COMMD10: variants seen among roughly 807,000 people sequenced by gnomAD.
The protein encoded by COMMD10 is COMM domain containing 10.
COMMD10 carries 33 observed loss-of-function variants against 28.9 expected under a neutral mutation model. The observed-to-expected ratio is 1.14, with a 90% CI of 0.87 to 1.53. COMMD10 has a LOEUF of 1.53. COMMD10 is among the 40% of genes most tolerant of loss of function. The pLI, the probability that COMMD10 is intolerant of heterozygous loss-of-function variation, is 0.00. For synonymous variants in COMMD10, 110 were observed against 81.7 expected (o/e 1.35, Z -1.87); for missense variants, 310 against 233.4 (o/e 1.33, Z -2.14).
At chr5:116,262,759 A>C (rs960272327) in intron 5 of COMMD10, among the ~76,000 whole-genome samples, 1 of 151,816 alleles carries the variant, frequency 6.6e-6, no homozygotes, top group Admixed American at 6.6e-5. Flanking sequence ...CTCATTACTC[A>C]TTCCCAAAAT....
rs1347495677 is a variant in COMMD10, at chr5:116,099,866, AC to A, written c.399+7167del. ...TATGTTAACCTCTTATACATGGTTT[AC>A]AAATACAGGTTGGGTATCACGTATC... On this transcript the variant is annotated intron_variant, in intron 4 of 6. Coordinates refer to ENST00000274458, the MANE Select transcript of COMMD10 (RefSeq NM_016144.4). Among the ~76,000 whole-genome samples the A allele has an allele frequency of 2.0e-5, 3 of 152,222 alleles. No individual in the cohort carries two copies. The South Asian group carries it at 6.2e-4, about 32-fold the overall frequency.
At chr5:116,280,803 A>G (rs1751048216) in intron 5 of COMMD10, among the ~76,000 whole-genome samples, 1 of 151,876 alleles carries the variant, frequency 6.6e-6, no homozygotes, top group African/African-American at 2.4e-5. Context: ...ACAATCATCT[A>G]TAATTATATT....
chr5:116,085,254 G>T (rs534242863), intron 1 of COMMD10, 161 bp downstream of exon 1: 10 of 676,856 alleles, frequency 1.5e-5, no homozygotes, highest in Non-Finnish European at 2.5e-5. Context: ...TGCGTCTGCG[G>T]AGTGCGTGGG....
At chr5:116,234,978 C>A (rs1309804467) in intron 5 of COMMD10, among the ~76,000 whole-genome samples, 1 of 152,160 alleles carries the variant, frequency 6.6e-6, no homozygotes, top group Non-Finnish European at 1.5e-5. Context: ...TACGGAAAAC[C>A]TTCACCTAGT....
intron 5 of COMMD10, among the ~76,000 whole-genome samples, chr5:116,229,185 G>A (rs941068545): frequency 6.6e-6 from 1 of 151,894 alleles, no homozygotes; most frequent in African/African-American, 2.4e-5. Flanking sequence ...TAGAATGAAA[G>A]ATGAGGCATT....
chr5:116,255,955 C>T (rs1052420516), intron 5 of COMMD10: 1 of 151,412 alleles, frequency 6.6e-6, no homozygotes, highest in South Asian at 2.1e-4. Flanking sequence ...GCAGTTAGAT[C>T]CACTCTTAAT....
At chr5:116,238,513 A>G (rs1390580998) in intron 5 of COMMD10, among the ~76,000 whole-genome samples, 16 of 152,220 alleles carry the variant, frequency 1.1e-4, no homozygotes, top group Admixed American at 9.8e-4. Flanking sequence ...GTTTTATTCA[A>G]CAAACCTAAA....
intron 5 of COMMD10, among the ~76,000 whole-genome samples, chr5:116,208,534 T>A (rs1046358830): frequency 6.6e-6 from 1 of 152,206 alleles, no homozygotes; most frequent in Non-Finnish European, 1.5e-5. Flanking sequence ...CCTTTGTTTA[T>A]AATTTTAAGT....
At chr5:116,216,454 T>G (rs1184103618) in intron 5 of COMMD10, among the ~76,000 whole-genome samples, 1 of 152,226 alleles carries the variant, frequency 6.6e-6, no homozygotes, top group Non-Finnish European at 1.5e-5. Flanking sequence ...AAGTCCCATA[T>G]TTTCACTAGA....
chr5:116,291,454 G>A, intron 5 of COMMD10, 63 bp from the exon 6 acceptor site: 1 of 1,149,642 alleles, frequency 8.7e-7, no homozygotes, highest in Non-Finnish European at 1.3e-6. Context: ...GTTAGCTGGA[G>A]AGAAAAAATG....
chr5:116,115,212 A>G (rs1235423657), intron 4 of COMMD10, among the ~76,000 whole-genome samples: 1 of 152,048 alleles, frequency 6.6e-6, no homozygotes, highest in Non-Finnish European at 1.5e-5. Context: ...CCCAAGTCAA[A>G]TTCAAGGTTT....
At chr5:116,116,711 T>C (rs1001352909) in intron 4 of COMMD10, among the ~76,000 whole-genome samples, 1,239 of 41,804 alleles carry the variant, frequency 0.03, 66 homozygotes, top group African/African-American at 0.047. Context: ...AGATTTTTTT[T>C]TTTTTTTTTT....
chr5:116,170,539 G>C (rs1452589963), intron 5 of COMMD10, among the ~76,000 whole-genome samples: 1 of 152,076 alleles, frequency 6.6e-6, no homozygotes, highest in East Asian at 1.9e-4. Context: ...ACAATCCTAA[G>C]CAAAAAGAAC....
rs565937828 is a variant in COMMD10, at chr5:116,091,208, A to T, written c.243+19A>T. 2.2e-5 allele frequency: 29 copies of T among 1,343,192 alleles called. No individual in the cohort carries two copies. The East Asian group carries it at 5.1e-4, about 24-fold the overall frequency. The allele number at this position is 1,343,192 out of a possible 1,614,324, so 83.2% of individuals were successfully genotyped here. ...AGAACAGGTATTTTTATTGCATCAA[A>T]TTTTCTAGCCATGATTTGTTTACTA... On this transcript the variant is annotated intron_variant, in intron 3 of 6. Coordinates refer to ENST00000274458, the MANE Select transcript of COMMD10 (RefSeq NM_016144.4).
At chr5:116,198,597 A>T (rs1748587725) in intron 5 of COMMD10, among the ~76,000 whole-genome samples, 1 of 152,174 alleles carries the variant, frequency 6.6e-6, no homozygotes, top group Non-Finnish European at 1.5e-5. Flanking sequence ...GGACAAGTGT[A>T]TAATGACAGT....
intron 5 of COMMD10, among the ~76,000 whole-genome samples, chr5:116,205,026 TAAATGAGACTAGTA>T: frequency 6.6e-6 from 1 of 152,174 alleles, no homozygotes; most frequent in East Asian, 1.9e-4. Flanking sequence ...TAGATGCTGC[TAAATGAGACTAGTA>T]AAATGACTGC....
chr5:116,268,843 A>G (rs1216231639), intron 5 of COMMD10, among the ~76,000 whole-genome samples: 1 of 151,700 alleles, frequency 6.6e-6, no homozygotes, highest in African/African-American at 2.4e-5. Flanking sequence ...AAACTATTGC[A>G]AGGACAGAAA....
At chr5:116,233,083 C>T (rs1483183660) in intron 5 of COMMD10, among the ~76,000 whole-genome samples, 1 of 152,110 alleles carries the variant, frequency 6.6e-6, no homozygotes, top group East Asian at 1.9e-4. Flanking sequence ...TTGGGCCAGG[C>T]ACTATGCTAG....
At chr5:116,113,667 ATTTC>A (rs1202435600) in intron 4 of COMMD10, among the ~76,000 whole-genome samples, 1 of 151,874 alleles carries the variant, frequency 6.6e-6, no homozygotes, top group Non-Finnish European at 1.5e-5. Flanking sequence ...TCCTTGGTAA[ATTTC>A]TCATTCATAT....
Sources: allele counts gnomAD v4.1 joint callset (sites outside exome capture counted in the v4.1 genomes callset), GRCh38; gene constraint gnomAD v4.1.1; transcripts MANE v1.5; gene names NCBI Gene and HGNC (gene_info 2026-07-23, HGNC 2026-07-21).